SHLD1: variants seen among roughly 807,000 people sequenced by gnomAD.
SHLD1 encodes the protein RINN1-REV7-interacting novel NHEJ regulator 3.
SHLD1 carries 3 observed loss-of-function variants against 5.5 expected under a neutral mutation model. The observed-to-expected ratio is 0.54, with a 90% CI of 0.25 to 1.40. The LOEUF is 1.40. Among genes scored for constraint, SHLD1 ranks in the 40% most tolerant of loss-of-function variants. SHLD1 has a pLI of 0.15. For missense variants in SHLD1, 210 were observed against 244.4 expected, an observed-to-expected ratio of 0.86 and a Z score of 0.94; for synonymous variants, 92 against 94.3, an observed-to-expected ratio of 0.98 and a Z score of 0.14.
chr20:5,844,799 A>ATATATATTT (rs1460082835), intron 2 of SHLD1, among the ~76,000 whole-genome samples: 2 of 71,720 alleles, frequency 2.8e-5, no homozygotes, highest in East Asian at 7.5e-4. Flanking sequence ...ATATATATAT[A>ATATATATTT]TTTTTTTTTT....
At chr20:5,851,121 G>A (rs958618870) in intron 2 of SHLD1, among the ~76,000 whole-genome samples, 1 of 152,184 alleles carries the variant, frequency 6.6e-6, no homozygotes, top group South Asian at 2.1e-4. Context: ...AATGCCACCT[G>A]ATCTCTGGGA....
chr20:5,832,689 A>G (rs767802119), intron 2 of SHLD1, among the ~76,000 whole-genome samples: 1 of 152,112 alleles, frequency 6.6e-6, no homozygotes, highest in African/African-American at 2.4e-5. Context: ...GGGTAAAACC[A>G]TGCAGTCTAC....
chr20:5,782,703 T>G (rs988305654), intron 2 of SHLD1, among the ~76,000 whole-genome samples: 1 of 152,202 alleles, frequency 6.6e-6, no homozygotes, highest in Non-Finnish European at 1.5e-5. Flanking sequence ...TCAAAGCCCA[T>G]TTTGTAACTT....
intron 2 of SHLD1, among the ~76,000 whole-genome samples, chr20:5,810,024 C>T (rs959350272): frequency 4.0e-5 from 6 of 151,822 alleles, no homozygotes; most frequent in Admixed American, 2.0e-4. Flanking sequence ...TTTGGGAGGC[C>T]GAGGCAGGCA....
chr20:5,830,278 A>G (rs2087712701), intron 2 of SHLD1, among the ~76,000 whole-genome samples: 1 of 152,186 alleles, frequency 6.6e-6, no homozygotes, highest in Non-Finnish European at 1.5e-5. Context: ...AATACTATTC[A>G]TCATTGAAAA....
chr20:5,766,611 T>TA (rs985854005), intron 1 of SHLD1, among the ~76,000 whole-genome samples: 6 of 152,126 alleles, frequency 3.9e-5, no homozygotes, highest in Non-Finnish European at 8.8e-5. Flanking sequence ...GTCTGACTGT[T>TA]AAAGAGGGTA....
Position 5,808,616 on chromosome 20 carries a change from G to T in SHLD1, c.178+35573G>T, listed in dbSNP as rs548884765. Among the ~76,000 whole-genome samples, 3 of 152,256 alleles carry T rather than the reference G, an allele frequency of 2.0e-5. No individual in the cohort carries two copies. In the South Asian group the frequency reaches 6.2e-4, roughly 32 times the overall value. On this transcript the variant is annotated intron_variant, in intron 2 of 2. Transcript: ENST00000303142. ...GATTGGATCATAGTTTATTTAACGA[G>T]ATGTCTATTGATGGATGTTTAGATT...
At chr20:5,836,213 G>A (rs1031946255) in intron 2 of SHLD1, among the ~76,000 whole-genome samples, 11 of 151,806 alleles carry the variant, frequency 7.2e-5, no homozygotes, top group African/African-American at 1.7e-4. Context: ...AAATGTTTAC[G>A]AGATACCAAT....
At chr20:5,756,651 A>T (rs1984118599) in intron 1 of SHLD1, 1 of 161,094 alleles carries the variant, frequency 6.2e-6, no homozygotes, top group African/African-American at 2.5e-5. Context: ...GATTTTTTTT[A>T]GCAGATTCCT....
intron 1 of SHLD1, among the ~76,000 whole-genome samples, chr20:5,758,364 G>A (rs560646389): frequency 1.4e-5 from 2 of 140,558 alleles, no homozygotes; most frequent in East Asian, 4.5e-4. Flanking sequence ...AAGGAGAGGG[G>A]GAGGGGAAGG....
In SHLD1 at chr20:5,806,390, A is replaced by G. The variant is rs191022651; in HGVS notation, c.178+33347A>G. Among the ~76,000 whole-genome samples, 17 of 152,292 alleles carry G rather than the reference A, an allele frequency of 1.1e-4. No homozygotes were observed. Among genetic ancestry groups the G allele is most frequent in the Admixed American group, 2.6e-4 (4 of 15,298 alleles). On this transcript the variant is annotated intron_variant, in intron 2 of 2. Coordinates refer to ENST00000303142, the MANE Select transcript of SHLD1 (RefSeq NM_152504.4). This position sits in a 1 kb window ranked among gnomAD's most constrained non-coding sequence, Gnocchi z 7.6. ...ACATTTGCTTATCTCCCGTCCCTCT[A>G]TCACTTACCCCATCCTTTGTGATGG... is the stretch of plus-strand genomic sequence containing the variant.
chr20:5,802,293 C>T (rs2087304991), intron 2 of SHLD1, among the ~76,000 whole-genome samples: 1 of 152,136 alleles, frequency 6.6e-6, no homozygotes, highest in Non-Finnish European at 1.5e-5. Flanking sequence ...TCCTCCAGGC[C>T]CTGCTTTCCT....
intron 1 of SHLD1, chr20:5,765,238 C>A (rs566951681): frequency 6.6e-6 from 1 of 151,094 alleles, no homozygotes; most frequent in East Asian, 2.0e-4. Flanking sequence ...AACTTTTTTT[C>A]ATATTTGTTT....
chr20:5,811,280 C>T (rs2087455316), intron 2 of SHLD1, among the ~76,000 whole-genome samples: 3 of 152,128 alleles, frequency 2.0e-5, no homozygotes, highest in Admixed American at 2.0e-4. Flanking sequence ...TTGGAGAGAG[C>T]ACCTTCCTTC....
At chr20:5,810,937 G>A (rs1294935573) in intron 2 of SHLD1, among the ~76,000 whole-genome samples, 1 of 151,602 alleles carries the variant, frequency 6.6e-6, no homozygotes, top group African/African-American at 2.4e-5. Flanking sequence ...TGTTAACTCT[G>A]CAGATGTCCT....
At chr20:5,830,994 T>C (rs2087723123) in intron 2 of SHLD1, among the ~76,000 whole-genome samples, 1 of 152,156 alleles carries the variant, frequency 6.6e-6, no homozygotes. Flanking sequence ...ACGCACGTTA[T>C]AATTTAATAA....
chr20:5,808,074 GT>G lies in SHLD1; in HGVS notation c.178+35033del, dbSNP rs2087405591. On this transcript the variant is annotated intron_variant, in intron 2 of 2. Coordinates refer to ENST00000303142, the MANE Select transcript of SHLD1 (RefSeq NM_152504.4). The stretch of plus-strand genomic sequence containing the variant: ...GGGTGGGCAGATCGCGAGGCCAGGA[GT>G]TCGAGACCGGCTTGGCCAACATTGT... 2.0e-5 allele frequency among the ~76,000 whole-genome samples: 3 copies of G among 152,294 alleles called. No individual in the cohort carries two copies. The South Asian group carries it at 6.2e-4, about 32-fold the overall frequency.
chr20:5,791,537 G>A (rs534831702), intron 2 of SHLD1, among the ~76,000 whole-genome samples: 34 of 136,874 alleles, frequency 2.5e-4, no homozygotes, highest in African/African-American at 8.2e-4. Context: ...GCACTCCAGC[G>A]TGGACCACAA....
At chr20:5,856,836 A>T (rs1295093176) in intron 2 of SHLD1, among the ~76,000 whole-genome samples, 1 of 152,210 alleles carries the variant, frequency 6.6e-6, no homozygotes, top group Non-Finnish European at 1.5e-5. Context: ...TGTACAGCAC[A>T]TTACAGGATT....
Sources: gnomAD v4.1 joint callset for allele counts (sites outside exome capture counted in the v4.1 genomes callset) on GRCh38, gnomAD v4.1.1 for gene constraint, Gnocchi (gnomAD v3.1) non-coding constraint, MANE v1.5 for transcripts, NCBI Gene and HGNC (gene_info 2026-07-23, HGNC 2026-07-21) for gene names.